LRP1: variants seen among roughly 807,000 people sequenced by gnomAD.
LRP1 encodes LDL receptor related protein 1, also known as prolow-density lipoprotein receptor-related protein 1.
LRP1 carries 51 observed loss-of-function variants against 541.5 expected under a neutral mutation model. That is an observed-to-expected ratio of 0.09 (90% CI 0.08 to 0.12). The LOEUF (loss-of-function observed/expected upper bound fraction) is 0.12, where lower values mean the gene tolerates loss of function less well. Among genes scored for constraint, LRP1 ranks in the 10% least tolerant of loss-of-function variants. The pLI is 1.00. For missense variants in LRP1, 3,878 were observed against 6,376.2 expected (o/e 0.61, Z 13.34); for synonymous variants, 2,219 against 2,470.8 (o/e 0.90, Z 3.02).
rs752090769 is a variant in LRP1, at chr12:57,173,975, T to C, written c.3542T>C (p.Leu1181Pro). 1 of 1,613,890 alleles carries C rather than the reference T, an allele frequency of 6.2e-7. No homozygotes were observed. ...GGCGACGGCTCAGATGAGGGCGAGC[T>C]CTGCGGTGAGGCCTGGTCCCAGGAG... is the stretch of plus-strand genomic sequence containing the variant. ...DCGDGSDEGE[L>P]CDQCSLNNGG... is the part of the protein sequence containing the mutation. The change falls in exon 22 of 89, where the codon CTC (leucine) becomes CCC (proline). Residue 1181 changes from leucine to proline, a missense_variant. Coordinates refer to ENST00000243077, the MANE Select transcript of LRP1 (RefSeq NM_002332.3). The surrounding 1 kb of genome is among the most constrained non-coding windows in gnomAD (Gnocchi z 4.7).
At chr12:57,176,913 T>G (rs2136699945) in intron 24 of LRP1, 128 bp from the exon 25 acceptor site, 1 of 738,446 alleles carries the variant, frequency 1.4e-6, no homozygotes, top group East Asian at 2.6e-5. Context: ...CTCTTGAATA[T>G]GGGCACATCA....
intron 31 of LRP1, 23 bp from the exon 32 acceptor site, chr12:57,180,307 G>A (rs541597046): frequency 4.0e-5 from 64 of 1,612,888 alleles, no homozygotes; most frequent in South Asian, 4.0e-4. Flanking sequence ...CAGACTCCCC[G>A]GCAGTGACTC....
In LRP1 at chr12:57,204,917, C is replaced by T; in HGVS notation, c.11194+168C>T. ...GGGGCTTTTCGTTAGGAAAGAGAAG[C>T]CCCTGGGGAAGGCTCTGGGGGCTGC... On this transcript the variant is annotated intron_variant, in intron 72 of 88. Coordinates refer to ENST00000243077, the MANE Select transcript of LRP1 (RefSeq NM_002332.3). The surrounding 1 kb of genome is among the most constrained non-coding windows in gnomAD (Gnocchi z 5.3). 4 of 1,347,406 alleles carry T rather than the reference C, an allele frequency of 3.0e-6. No individual in the cohort carries two copies. The South Asian group carries it at 5.9e-5, about 20-fold the overall frequency. 83.5% of individuals were successfully genotyped at this position (1,347,406 alleles called of 1,614,324 possible). A position where few individuals can be genotyped will look rare whatever the true frequency, so the allele number is the denominator to read the frequency against.
Position 57,166,084 on chromosome 12 carries a change from A to G in LRP1, c.2672A>G (p.His891Arg). ...GACCCCTGACTCATTCCCTCCCCAG[A>G]TCAGCACACCTGCCCCTCGGACCGA... ...DNSDEAPALC[H>R]QHTCPSDRFK... Residue 891 changes from histidine to arginine, a missense_variant and splice_region_variant, in exon 17 of 89, where the codon CAT becomes CGT. His to Arg is a conservative substitution (Grantham distance 29, BLOSUM62 0). This residue lies in a region of LRP1 where 496 missense variants were observed against 861.0 expected (regional missense o/e 0.58). Transcript: ENST00000243077. The G allele has an allele frequency of 6.2e-7, 1 of 1,614,174 alleles. No homozygotes were observed. Among genetic ancestry groups the G allele is most frequent in the Non-Finnish European group, 8.5e-7 (1 of 1,180,012 alleles).
At position 57,156,771 on chromosome 12, in the gene LRP1, C is replaced by T. The variant is rs549926747; in HGVS notation, c.1418-6C>T. The T allele has an allele frequency of 6.2e-7, 1 of 1,604,798 alleles. No homozygotes were observed. Among genetic ancestry groups the T allele is most frequent in the African/African-American group, 1.3e-5 (1 of 74,962 alleles). On this transcript the variant is annotated splice_region_variant and splice_polypyrimidine_tract_variant and intron_variant, in intron 9 of 88. Transcript: ENST00000243077. The surrounding 1 kb of genome is among the most constrained non-coding windows in gnomAD (Gnocchi z 5.2). The stretch of plus-strand genomic sequence containing the variant: ...GGGTCCTAACAGCTCTTCACCCTGC[C>T]CCCAGTGAGGAGCCATGCCTGTGAA...
At position 57,189,499 on chromosome 12, in the gene LRP1, G is replaced by A. The variant is rs1289018901; in HGVS notation, c.7032-1306G>A. Among the ~76,000 whole-genome samples the A allele has an allele frequency of 2.0e-5, 3 of 152,150 alleles. No individual in the cohort carries two copies. Among genetic ancestry groups the A allele is most frequent in the African/African-American group, 4.8e-5 (2 of 41,440 alleles). On this transcript the variant is annotated intron_variant, in intron 42 of 88. Transcript: ENST00000243077. The surrounding 1 kb of genome is among the most constrained non-coding windows in gnomAD (Gnocchi z 4.4). ...GATCAGAGCTTCTCACGAGCTCGCC[G>A]AGGCTCAGGGCAGCCAGTGTCTCCA...
intron 15 of LRP1, among the ~76,000 whole-genome samples, chr12:57,163,868 A>G (rs1592622858): frequency 6.6e-6 from 1 of 152,122 alleles, no homozygotes; most frequent in East Asian, 1.9e-4. Context: ...GGTTGTGTTC[A>G]TTGTAAAACG....
chr12:57,176,351 G>A (rs2036046094), intron 24 of LRP1, among the ~76,000 whole-genome samples: 1 of 152,248 alleles, frequency 6.6e-6, no homozygotes, highest in Non-Finnish European at 1.5e-5. Flanking sequence ...CTGGAGCTCT[G>A]CTCCCCAGAT....
At chr12:57,207,281 AATAG>A (rs1565755819) in intron 76 of LRP1, among the ~76,000 whole-genome samples, 1 of 136,244 alleles carries the variant, frequency 7.3e-6, no homozygotes, top group African/African-American at 2.8e-5. Flanking sequence ...TAAATAAATA[AATAG>A]AGACTCGGTC....
At chr12:57,140,506 C>T (rs1565713758) in intron 2 of LRP1, among the ~76,000 whole-genome samples, 1 of 152,164 alleles carries the variant, frequency 6.6e-6, no homozygotes, top group Non-Finnish European at 1.5e-5. Context: ...GACATTAAGT[C>T]ATCAAAATCC....
At chr12:57,133,046 G>A (rs1402883134) in intron 1 of LRP1, among the ~76,000 whole-genome samples, 1 of 152,182 alleles carries the variant, frequency 6.6e-6, no homozygotes, top group Non-Finnish European at 1.5e-5. Context: ...TACCCTTTGT[G>A]GGCTAAGAGG....
chr12:57,195,040 G>A lies in LRP1; in HGVS notation c.8247G>A (p.Lys2749=). The A allele has an allele frequency of 1.2e-6, 2 of 1,614,118 alleles. No homozygotes were observed. The highest frequency in any genetic ancestry group is 1.7e-6 in the Non-Finnish European group (2 of 1,179,994). The change falls in exon 51 of 89, where the codon AAG becomes AAA. Residue 2749 remains lysine (K), a synonymous_variant. Coordinates refer to ENST00000243077, the MANE Select transcript of LRP1 (RefSeq NM_002332.3). The part of the protein sequence containing the change: ...FECQNHRCIS[K]QWLCDGSDDC... ...GCCAGAACCATCGCTGCATCTCCAA[G>A]CAGTGGCTGTGTGACGGCAGCGATG...
In LRP1 at chr12:57,200,825, T is replaced by TGGGGC; in HGVS notation, c.10225+11_10225+12insGGGCG. ...GACGAGGCCAACTGTGGTAAGGCGC[T>TGGGGC]GCCCGCCCACCCTCCCTCCTTCCCC... On this transcript the variant is annotated intron_variant, in intron 64 of 88. Coordinates refer to ENST00000243077, the MANE Select transcript of LRP1 (RefSeq NM_002332.3). The TGGGGC allele has an allele frequency of 6.3e-7, 1 of 1,595,880 alleles. No individual in the cohort carries two copies. The highest frequency in any genetic ancestry group is 8.6e-7 in the Non-Finnish European group (1 of 1,166,788).
Position 57,183,539 on chromosome 12 carries a change from G to T in LRP1, c.5794+29G>T. 1 of 1,606,220 alleles carries T rather than the reference G, an allele frequency of 6.2e-7. No homozygotes were observed. The highest frequency in any genetic ancestry group is 1.1e-5 in the South Asian group (1 of 90,296). On this transcript the variant is annotated intron_variant, in intron 35 of 88. Transcript: ENST00000243077. The surrounding 1 kb of genome is among the most constrained non-coding windows in gnomAD (Gnocchi z 6.1). ...AGCCATTTGGTGGCAGAGGGAGTTG[G>T]GCGTGGCGTAGGAGCTTTAGGGGTG...
Position 57,197,422 on chromosome 12 carries a change from C to G in LRP1, c.9162+38C>G. On this transcript the variant is annotated intron_variant, in intron 57 of 88. Coordinates refer to ENST00000243077, the MANE Select transcript of LRP1 (RefSeq NM_002332.3). The surrounding 1 kb of genome is among the most constrained non-coding windows in gnomAD (Gnocchi z 4.5). ...GGCCCTCCTCCCCGCTGCCCATCTC[C>G]CAGACCCAGCACAGCCTCCCTTGCA... 2 of 1,610,584 alleles carry G rather than the reference C, an allele frequency of 1.2e-6. No individual in the cohort carries two copies. Among genetic ancestry groups the G allele is most frequent in the Non-Finnish European group, 1.7e-6 (2 of 1,177,216 alleles).
rs984598611 is a variant in LRP1 at position 57,128,609 on chromosome 12, C to T, written c.-356C>T. The T allele has an allele frequency of 4.8e-6, 2 of 415,400 alleles. No individual in the cohort carries two copies. Among genetic ancestry groups the T allele is most frequent in the East Asian group, 6.9e-5 (2 of 28,890 alleles). The allele number at this position is 415,400 out of a possible 1,614,324, so 25.7% of individuals were successfully genotyped here. ...CCCCTACCCGGTCCACGCCCCCCAC[C>T]CCCCCTCCCCGCCTCCTCCCAATTG... is the stretch of plus-strand genomic sequence containing the variant. On this transcript the variant is annotated 5_prime_UTR_variant, in exon 1 of 89. Transcript: ENST00000243077.
chr12:57,202,009 C>A, intron 67 of LRP1, 104 bp downstream of exon 67: 1 of 1,473,822 alleles, frequency 6.8e-7, no homozygotes, highest in Admixed American at 1.8e-5. Context: ...CCGGTCTCAG[C>A]GTGGCCCTGC....
chr12:57,200,191 T>C, intron 62 of LRP1, 166 bp downstream of exon 62: 1 of 655,236 alleles, frequency 1.5e-6, no homozygotes, highest in East Asian at 2.7e-5. Flanking sequence ...GCAATACTTT[T>C]ACCCCCGTCA....
chr12:57,139,988 C>A (rs1412024395), intron 2 of LRP1, among the ~76,000 whole-genome samples: 4 of 152,254 alleles, frequency 2.6e-5, no homozygotes, highest in Admixed American at 1.3e-4. Context: ...TAGACACTGT[C>A]ACTCACACAC....
Sources: gnomAD v4.1 joint callset for allele counts (sites outside exome capture counted in the v4.1 genomes callset) on GRCh38, gnomAD v4.1.1 for gene constraint, gnomAD v4.1.1 regional missense constraint, Gnocchi (gnomAD v3.1) non-coding constraint, MANE v1.5 for transcripts, NCBI Gene and HGNC (gene_info 2026-07-23, HGNC 2026-07-21) for gene names.